Variants in SLITRK1 observed in about 807,000 individuals in gnomAD.
SLITRK1 encodes SLIT and NTRK like family member 1.
A neutral mutation model predicts 42.4 loss-of-function variants in SLITRK1; 10 were observed. The ratio of observed to expected loss-of-function variants is 0.24; its 90% CI spans 0.15 to 0.40. The LOEUF is 0.40. Ranked by LOEUF, SLITRK1 falls within the 10% of genes least tolerant of loss-of-function variation. SLITRK1 has a pLI of 1.00. For synonymous variants in SLITRK1, 389 were observed against 365.7 expected (o/e 1.06, Z -0.73); for missense variants, 778 against 848.8 (o/e 0.92, Z 1.04).
In SLITRK1 at chr13:83,882,345, G is replaced by T. The variant is rs1485095234; in HGVS notation, c.-395C>A. 1 of 158,350 alleles carries T rather than the reference G, an allele frequency of 6.3e-6. No individual in the cohort carries two copies. The highest frequency in any genetic ancestry group is 6.6e-5 in the Admixed American group (1 of 15,084). 9.8% of individuals were successfully genotyped at this position (158,350 alleles called of 1,614,324 possible). A position where few individuals can be genotyped will look rare whatever the true frequency, so the allele number is the denominator to read the frequency against. On this transcript the variant is annotated 5_prime_UTR_variant, in exon 1 of 2. Coordinates refer to ENST00000674365, the MANE Select transcript of SLITRK1 (RefSeq NM_001281503.2). ...TTCTGCTCTTTCGGAATTACGTGGAGGGGGGCGGAGGGCGGGGGGCGAGTT... is the reference window on the plus strand; with the variant it reads ...TTCTGCTCTTTCGGAATTACGTGGATGGGGGCGGAGGGCGGGGGGCGAGTT...
chr13:83,879,901 G>C lies in SLITRK1; in HGVS notation c.1607C>G (p.Thr536Arg). 6.2e-7 allele frequency: 1 copy of C among 1,614,110 alleles called. No homozygotes were observed. Among genetic ancestry groups the C allele is most frequent in the Non-Finnish European group, 8.5e-7 (1 of 1,180,032 alleles). The change falls in exon 2 of 2, where the codon ACA becomes AGA. Residue 536 changes from threonine (T) to arginine (R), a missense_variant. Thr to Arg is a moderately conservative substitution (Grantham distance 71, BLOSUM62 -1). Around this residue, in one of 4 missense-constraint regions of SLITRK1, gnomAD observed 395 missense variants for 360.4 expected, o/e 1.10. Coordinates refer to ENST00000674365, the MANE Select transcript of SLITRK1 (RefSeq NM_001281503.2). ...LHGNPWECSC[T>R]IVPFKQWAER... ...TGCCCACTGCTTGAAAGGCACAATT[G>C]TGCAGGAGCACTCCCAGGGGTTTCC...
rs1285614676 is a variant in SLITRK1 at position 83,879,380 on chromosome 13, C to T, written c.*37G>A. On this transcript the variant is annotated 3_prime_UTR_variant, in exon 2 of 2. Transcript: ENST00000674365. ...GTGCCTGCGGTGGGGAAGGATGTAT[C>T]GCCTTCCCTCTGCCCTCCCCTATTG... 1 of 1,607,610 alleles carries T rather than the reference C, an allele frequency of 6.2e-7. No homozygotes were observed. The highest frequency in any genetic ancestry group is 2.2e-5 in the East Asian group (1 of 44,846).
chr13:83,880,711 C>A lies in SLITRK1; in HGVS notation c.797G>T (p.Arg266Leu), dbSNP rs778376981. ...TEQDLCPLKN[R>L]VDSSLPAPPA... ...GGGCGCCGGGAGACTAGAATCCACTCGGTTTTTCAAAGGACACAAGTCCTG... is the reference window on the plus strand; with the variant it reads ...GGGCGCCGGGAGACTAGAATCCACTAGGTTTTTCAAAGGACACAAGTCCTG... Residue 266 changes from arginine to leucine, a missense_variant, in exon 2 of 2, where the codon CGA (arginine) becomes CTA (leucine). Around this residue, in one of 4 missense-constraint regions of SLITRK1, gnomAD observed 395 missense variants for 360.4 expected, o/e 1.10. Transcript: ENST00000674365. 4 of 1,613,960 alleles carry A rather than the reference C, an allele frequency of 2.5e-6. No homozygotes were observed. Among genetic ancestry groups the A allele is most frequent in the Non-Finnish European group, 3.4e-6 (4 of 1,180,020 alleles).
In SLITRK1 at chr13:83,880,023, C is replaced by A; in HGVS notation, c.1485G>T (p.Ser495=). The part of the protein sequence containing the change: ...SLPVDVFAGV[S]LSKLSLHNNY... Reference sequence around the variant, plus strand: ...TGTTGTGCAGGCTGAGTTTAGAGAGCGAGACCCCAGCGAACACGTCCACAG... The same window carrying A: ...TGTTGTGCAGGCTGAGTTTAGAGAGAGAGACCCCAGCGAACACGTCCACAG... The change falls in exon 2 of 2, where the codon TCG becomes TCT. Residue 495 remains serine (S), a synonymous_variant. Coordinates refer to ENST00000674365, the MANE Select transcript of SLITRK1 (RefSeq NM_001281503.2). 1 of 1,613,948 alleles carries A rather than the reference C, an allele frequency of 6.2e-7. No homozygotes were observed. Among genetic ancestry groups the A allele is most frequent in the Non-Finnish European group, 8.5e-7 (1 of 1,180,010 alleles).
chr13:83,880,379 C>G lies in SLITRK1; in HGVS notation c.1129G>C (p.Val377Leu). ...TTATCTCGTAGGAAAAGCTCCTGCA[C>G]GTTAGAGAGCTTGGGCTTCAAATCA... is the stretch of plus-strand genomic sequence containing the variant. ...LADLKPKLSNVQELFLRDNKI... is the reference protein window; with the variant it reads ...LADLKPKLSNLQELFLRDNKI... Residue 377 changes from valine to leucine, a missense_variant, in exon 2 of 2, where the codon GTG (valine) becomes CTG (leucine). Physicochemically the swap from Val to Leu is conservative, Grantham distance 32. Transcript: ENST00000674365. 6.2e-7 allele frequency: 1 copy of G among 1,613,834 alleles called. No homozygotes were observed. Among genetic ancestry groups the G allele is most frequent in the Non-Finnish European group, 8.5e-7 (1 of 1,180,002 alleles).
chr13:83,877,674 C>T lies in SLITRK1; in HGVS notation c.*1743G>A, dbSNP rs1884718610. 1 of 98,376 alleles carries T rather than the reference C, an allele frequency of 1.0e-5. No individual in the cohort carries two copies. Among genetic ancestry groups the T allele is most frequent in the African/African-American group, 4.1e-5 (1 of 24,678 alleles). The allele number at this position is 98,376 out of a possible 1,614,324, so 6.1% of individuals were successfully genotyped here. A position where few individuals can be genotyped will look rare whatever the true frequency, so the allele number is the denominator to read the frequency against. On this transcript the variant is annotated 3_prime_UTR_variant, in exon 2 of 2. Transcript: ENST00000674365. ...GAGTGCTTTAACAAATTTCAATATGCAGTTGCTGGGGCGGGGAGGGTGGGT... is the reference window on the plus strand; with the variant it reads ...GAGTGCTTTAACAAATTTCAATATGTAGTTGCTGGGGCGGGGAGGGTGGGT...
intron 1 of SLITRK1, 154 bp from the exon 2 acceptor site, chr13:83,881,714 C>T (rs1005733340): frequency 2.2e-6 from 1 of 452,512 alleles, no homozygotes; most frequent in Admixed American, 4.1e-5. Flanking sequence ...TAATTATATC[C>T]ACAAACTATC....
Position 83,878,822 on chromosome 13 carries a change from G to A in SLITRK1, c.*595C>T, listed in dbSNP as rs942553884. ...ATGGAACTTATCAGGTAAGAGGGTG[G>A]GTGCTGTGAACGAGATGCCGTCTCC... On this transcript the variant is annotated 3_prime_UTR_variant, in exon 2 of 2. Transcript: ENST00000674365. The A allele has an allele frequency of 1.3e-5, 2 of 155,224 alleles. No individual in the cohort carries two copies. The highest frequency in any genetic ancestry group is 2.9e-5 in the Non-Finnish European group (2 of 69,802). The allele number at this position is 155,224 out of a possible 1,614,324, so 9.6% of individuals were successfully genotyped here. A position where few individuals can be genotyped will look rare whatever the true frequency, so the allele number is the denominator to read the frequency against.
Position 83,880,927 on chromosome 13 carries a change from T to G in SLITRK1, c.581A>C (p.Tyr194Ser), listed in dbSNP as rs756081796. The change falls in exon 2 of 2, where the codon TAT (tyrosine) becomes TCT (serine). Residue 194 changes from tyrosine to serine, a missense_variant. Physicochemically the swap from Tyr to Ser is moderately radical, Grantham distance 144. Transcript: ENST00000674365. ...AGGGATTTGCTCCAAGACCTCCTCA[T>G]AGGGCAGCGTTTTCAGCCTGTTACC... Reference protein sequence around the residue: ...LRGNRLKTLPYEEVLEQIPGI... With the variant: ...LRGNRLKTLPSEEVLEQIPGI... The G allele has an allele frequency of 6.2e-7, 1 of 1,614,032 alleles. No homozygotes were observed. The highest frequency in any genetic ancestry group is 8.5e-7 in the Non-Finnish European group (1 of 1,180,008).
chr13:83,881,622 A>C, intron 1 of SLITRK1, 62 bp from the exon 2 acceptor site: 4 of 607,308 alleles, frequency 6.6e-6, no homozygotes, highest in Middle Eastern at 3.1e-4. Flanking sequence ...CCAGGAAAGG[A>C]GAAGAAAAGG....
Position 83,880,308 on chromosome 13 carries a change from G to T in SLITRK1, c.1200C>A (p.Asn400Lys). Reference protein sequence around the residue: ...IRKSHFVDYKNLILLDLGNNN... With the variant: ...IRKSHFVDYKKLILLDLGNNN... ...TGTTGCCCAGATCCAACAGAATGAGGTTCTTGTAATCCACAAAGTGCGATT... is the reference window on the plus strand; with the variant it reads ...TGTTGCCCAGATCCAACAGAATGAGTTTCTTGTAATCCACAAAGTGCGATT... Residue 400 changes from asparagine (N) to lysine (K), a missense_variant, in exon 2 of 2, where the codon AAC becomes AAA. Asn to Lys is a moderately conservative substitution (Grantham distance 94). Around this residue, in one of 4 missense-constraint regions of SLITRK1, gnomAD observed 395 missense variants for 360.4 expected, o/e 1.10. Coordinates refer to ENST00000674365, the MANE Select transcript of SLITRK1 (RefSeq NM_001281503.2). 6.2e-7 allele frequency: 1 copy of T among 1,613,856 alleles called. No homozygotes were observed. The highest frequency in any genetic ancestry group is 8.5e-7 in the Non-Finnish European group (1 of 1,179,996).
rs1884755158 is a variant in SLITRK1, at chr13:83,879,321, G to C, written c.*96C>G. 6.7e-6 allele frequency: 10 copies of C among 1,495,136 alleles called. No homozygotes were observed. Among genetic ancestry groups the C allele is most frequent in the South Asian group, 4.6e-5 (4 of 86,300 alleles). The allele number at this position is 1,495,136 out of a possible 1,614,324, so 92.6% of individuals were successfully genotyped here. A position where few individuals can be genotyped will look rare whatever the true frequency, so the allele number is the denominator to read the frequency against. ...TTATGCCCATCCAGGCTGATGGCGCGGGGATTTGGGTACACGCCCCTCCAG... is the reference window on the plus strand; with the variant it reads ...TTATGCCCATCCAGGCTGATGGCGCCGGGATTTGGGTACACGCCCCTCCAG... On this transcript the variant is annotated 3_prime_UTR_variant, in exon 2 of 2. Transcript: ENST00000674365.
Position 83,879,537 on chromosome 13 carries a change from G to A in SLITRK1, c.1971C>T (p.Ser657=), listed in dbSNP as rs77908553. The A allele has an allele frequency of 3.1e-6, 5 of 1,614,056 alleles. No homozygotes were observed. The highest frequency in any genetic ancestry group is 3.4e-6 in the Non-Finnish European group (4 of 1,180,014). The change falls in exon 2 of 2, where the codon TCC becomes TCT. Residue 657 remains serine, a synonymous_variant. Transcript: ENST00000674365. ...KRSKRRDANS[S]ASEINSLQTV... Reference sequence around the variant, plus strand: ...TCTGTAGGGAATTAATCTCGGACGCGGAGGAGTTGGCATCTCGTCTCTTGG... The same window carrying A: ...TCTGTAGGGAATTAATCTCGGACGCAGAGGAGTTGGCATCTCGTCTCTTGG...
At position 83,880,486 on chromosome 13, in the gene SLITRK1, C is replaced by G; in HGVS notation, c.1022G>C (p.Cys341Ser). 6.2e-7 allele frequency: 1 copy of G among 1,614,080 alleles called. No homozygotes were observed. The highest frequency in any genetic ancestry group is 8.5e-7 in the Non-Finnish European group (1 of 1,180,024). Reference sequence around the variant, plus strand: ...GTGGTCGCAGCTGCAGCCCCCAGGGCAGGGTAAACTGTTAGCTAAGGGTTT... The same window carrying G: ...GTGGTCGCAGCTGCAGCCCCCAGGGGAGGGTAAACTGTTAGCTAAGGGTTT... ...RNKPLANSLP[C>S]PGGCSCDHIP... is the part of the protein sequence containing the mutation. Residue 341 changes from cysteine (C) to serine (S), a missense_variant, in exon 2 of 2, where the codon TGC becomes TCC. Coordinates refer to ENST00000674365, the MANE Select transcript of SLITRK1 (RefSeq NM_001281503.2).
chr13:83,880,064 G>C lies in SLITRK1; in HGVS notation c.1444C>G (p.Leu482Val). Residue 482 changes from leucine to valine, a missense_variant, in exon 2 of 2, where the codon CTG becomes GTG. Physicochemically the swap from Leu to Val is conservative, Grantham distance 32. This residue lies in a region of SLITRK1 where 395 missense variants were observed against 360.4 expected (regional missense o/e 1.10). Transcript: ENST00000674365. ...ACGTCCACAGGCAGGGACCTCAGCA[G>C]GTTGTTGTTGAGAATGAGGATCCTC... ...KLRILILNNN[L>V]LRSLPVDVFA... 1.2e-6 allele frequency: 2 copies of C among 1,614,042 alleles called. No homozygotes were observed. Among genetic ancestry groups the C allele is most frequent in the Non-Finnish European group, 1.7e-6 (2 of 1,180,014 alleles).
rs1436155179 is a variant in SLITRK1, at chr13:83,879,527, T to A, written c.1981A>T (p.Ile661Phe). ...TCACAGACTGTCTGTAGGGAATTAA[T>A]CTCGGACGCGGAGGAGTTGGCATCT... ...RRDANSSASE[I>F]NSLQTVCDSS... is the part of the protein sequence containing the mutation. The change falls in exon 2 of 2, where the codon ATT becomes TTT. Residue 661 changes from isoleucine (I) to phenylalanine (F), a missense_variant. Physicochemically the swap from Ile to Phe is conservative, Grantham distance 21 (BLOSUM62 0). This residue lies in a region of SLITRK1 where 164 missense variants were observed against 158.2 expected (regional missense o/e 1.04). Transcript: ENST00000674365. 2.5e-6 allele frequency: 4 copies of A among 1,614,096 alleles called. No individual in the cohort carries two copies. Among genetic ancestry groups the A allele is most frequent in the Non-Finnish European group, 3.4e-6 (4 of 1,180,024 alleles).
Position 83,880,688 on chromosome 13 carries a change from G to A in SLITRK1, c.820C>T (p.Pro274Ser), listed in dbSNP as rs1244290864. ...GCAAAGGTCTCTTCTTGGGCAGGGG[G>A]CGCCGGGAGACTAGAATCCACTCGG... ...KNRVDSSLPA[P>S]PAQEETFAPG... The change falls in exon 2 of 2, where the codon CCC (proline) becomes TCC (serine). Residue 274 changes from proline to serine, a missense_variant. By Grantham distance (74) the Pro-to-Ser change is moderately conservative. Around this residue, in one of 4 missense-constraint regions of SLITRK1, gnomAD observed 395 missense variants for 360.4 expected, o/e 1.10. Transcript: ENST00000674365. The A allele has an allele frequency of 1.9e-6, 3 of 1,614,118 alleles. No individual in the cohort carries two copies. The highest frequency in any genetic ancestry group is 1.7e-6 in the Non-Finnish European group (2 of 1,180,032).
chr13:83,877,420 T>C lies in SLITRK1; in HGVS notation c.*1997A>G, dbSNP rs1884713618. 6.6e-6 allele frequency: 1 copy of C among 152,034 alleles called. No homozygotes were observed. The highest frequency in any genetic ancestry group is 2.1e-4 in the South Asian group (1 of 4,820). 9.4% of individuals were successfully genotyped at this position (152,034 alleles called of 1,614,324 possible). ...AGTCTTTTGACATACTTCTCAAGGG[T>C]GGATATGTGGTGGAATGCAGACTCC... On this transcript the variant is annotated 3_prime_UTR_variant, in exon 2 of 2. Coordinates refer to ENST00000674365, the MANE Select transcript of SLITRK1 (RefSeq NM_001281503.2).
Position 83,879,291 on chromosome 13 carries a change from T to C in SLITRK1, c.*126A>G. 3 of 1,172,286 alleles carry C rather than the reference T, an allele frequency of 2.6e-6. No individual in the cohort carries two copies. The highest frequency in any genetic ancestry group is 3.7e-6 in the Non-Finnish European group (3 of 815,406). The allele number at this position is 1,172,286 out of a possible 1,614,324, so 72.6% of individuals were successfully genotyped here. A position where few individuals can be genotyped will look rare whatever the true frequency, so the allele number is the denominator to read the frequency against. On this transcript the variant is annotated 3_prime_UTR_variant, in exon 2 of 2. Coordinates refer to ENST00000674365, the MANE Select transcript of SLITRK1 (RefSeq NM_001281503.2). ...GGTTGTGCGAGCTCACAGTTATTTATCTACTTATGCCCATCCAGGCTGATG... is the reference window on the plus strand; with the variant it reads ...GGTTGTGCGAGCTCACAGTTATTTACCTACTTATGCCCATCCAGGCTGATG...
Sources: allele counts gnomAD v4.1 joint callset, GRCh38; gene constraint gnomAD v4.1.1; regional missense constraint gnomAD v4.1.1; transcripts MANE v1.5; gene names NCBI Gene and HGNC (gene_info 2026-07-23, HGNC 2026-07-21).